The following DOK6 variants were observed in gnomAD, a reference collection of about 807,000 sequenced individuals.
The protein encoded by DOK6 is docking protein 6.
DOK6 carries 22 observed loss-of-function variants against 44.0 expected under a neutral mutation model. That is an observed-to-expected ratio of 0.50 (90% CI 0.36 to 0.71). The LOEUF (loss-of-function observed/expected upper bound fraction) is 0.71, where lower values mean the gene tolerates loss of function less well. Ranked by LOEUF, DOK6 falls within the 30% of genes least tolerant of loss-of-function variation. The pLI is 0.00. For synonymous variants in DOK6, 166 were observed against 145.5 expected, an observed-to-expected ratio of 1.14 and a Z score of -1.01; for missense variants, 340 against 416.4, an observed-to-expected ratio of 0.82 and a Z score of 1.60.
At chr18:69,579,901 G>C (rs192592712) in intron 2 of DOK6, among the ~76,000 whole-genome samples, 1 of 152,250 alleles carries the variant, frequency 6.6e-6, no homozygotes, top group African/African-American at 2.4e-5. Flanking sequence ...GGGATTACAG[G>C]CGTGAACCAC....
chr18:69,427,014 GGTGCTA>G (rs77651250), intron 1 of DOK6, among the ~76,000 whole-genome samples: 93,746 of 151,480 alleles, frequency 0.62, 29,204 homozygotes, highest in South Asian at 0.74. Context: ...CCCTCCAAAA[GGTGCTA>G]GTGTGTGTTG....
chr18:69,648,403 G>A (rs1568321664), intron 3 of DOK6, among the ~76,000 whole-genome samples: 1 of 151,982 alleles, frequency 6.6e-6, no homozygotes, highest in Non-Finnish European at 1.5e-5. Context: ...TATAACAAAT[G>A]TGCACATTGT....
chr18:69,756,442 TA>T (rs1451753933), intron 6 of DOK6, among the ~76,000 whole-genome samples: 1 of 152,168 alleles, frequency 6.6e-6, no homozygotes, highest in Admixed American at 6.5e-5. Flanking sequence ...AAAAGAAAGA[TA>T]CCTCAACAGT....
At chr18:69,625,713 T>A (rs933278798) in intron 3 of DOK6, among the ~76,000 whole-genome samples, 1 of 152,242 alleles carries the variant, frequency 6.6e-6, no homozygotes, top group Non-Finnish European at 1.5e-5. Context: ...TTACTATTTA[T>A]TGTATGAACT....
chr18:69,763,166 C>G (rs1339044679), intron 7 of DOK6, among the ~76,000 whole-genome samples: 1 of 152,162 alleles, frequency 6.6e-6, no homozygotes, highest in Non-Finnish European at 1.5e-5. Flanking sequence ...TAGCTTCTAA[C>G]AAGCACATGT....
chr18:69,436,320 C>T (rs1417292429), intron 1 of DOK6, among the ~76,000 whole-genome samples: 1 of 152,008 alleles, frequency 6.6e-6, no homozygotes. Flanking sequence ...TCTCCCCTTG[C>T]CCCCTACCCG....
At chr18:69,706,824 G>T (rs2144711346) in intron 5 of DOK6, among the ~76,000 whole-genome samples, 1 of 151,452 alleles carries the variant, frequency 6.6e-6, no homozygotes. Flanking sequence ...TGAGAATGAT[G>T]ATTTCCAATT....
intron 5 of DOK6, among the ~76,000 whole-genome samples, chr18:69,733,762 T>C (rs1479245543): frequency 6.6e-6 from 1 of 152,176 alleles, no homozygotes; most frequent in Non-Finnish European, 1.5e-5. Flanking sequence ...AAAAAATTAA[T>C]GTGTGTAAAC....
chr18:69,589,293 A>C (rs1983573318), intron 2 of DOK6, among the ~76,000 whole-genome samples: 1 of 152,050 alleles, frequency 6.6e-6, no homozygotes, highest in Admixed American at 6.6e-5. Context: ...TTCCATCCTA[A>C]TAAAGTTGTA....
chr18:69,402,105 T>C (rs573614955), intron 1 of DOK6, among the ~76,000 whole-genome samples: 197 of 152,128 alleles, frequency 1.3e-3, no homozygotes, highest in African/African-American at 4.4e-3. Flanking sequence ...GGGAGCAGCC[T>C]AGACTTGGGA....
intron 3 of DOK6, among the ~76,000 whole-genome samples, chr18:69,628,592 A>G (rs935245303): frequency 1.3e-5 from 2 of 152,156 alleles, no homozygotes; most frequent in African/African-American, 4.8e-5. Context: ...TTGATAAGCT[A>G]TGTTCCTCCA....
At chr18:69,412,464 C>T (rs1978310420) in intron 1 of DOK6, among the ~76,000 whole-genome samples, 1 of 152,042 alleles carries the variant, frequency 6.6e-6, no homozygotes, top group Admixed American at 6.6e-5. Flanking sequence ...GACCGACTCC[C>T]AGAGATTCTA....
chr18:69,470,011 C>G (rs949473041), intron 1 of DOK6: 1 of 163,610 alleles, frequency 6.1e-6, no homozygotes, highest in African/African-American at 2.4e-5. Flanking sequence ...TAGCGCGCAC[C>G]GACTACAACT....
At chr18:69,768,362 G>A (rs1051171096) in intron 7 of DOK6, among the ~76,000 whole-genome samples, 2 of 151,706 alleles carry the variant, frequency 1.3e-5, no homozygotes, top group Non-Finnish European at 2.9e-5. Context: ...AGGAGCATCT[G>A]GTTCACCATA....
At chr18:69,586,714 A>G (rs962182041) in intron 2 of DOK6, among the ~76,000 whole-genome samples, 2 of 152,096 alleles carry the variant, frequency 1.3e-5, no homozygotes, top group Non-Finnish European at 2.9e-5. Context: ...ATAGCAGTAA[A>G]TTATTTTTCC....
chr18:69,659,214 A>G (rs4513198), intron 3 of DOK6, among the ~76,000 whole-genome samples: 139,671 of 152,258 alleles, frequency 0.92, 65,267 homozygotes, highest in East Asian at 1. Flanking sequence ...ATGCTGTCCT[A>G]GCTCTCTGGC....
chr18:69,714,335 C>A (rs964035387), intron 5 of DOK6, among the ~76,000 whole-genome samples: 2 of 152,152 alleles, frequency 1.3e-5, no homozygotes, highest in Admixed American at 6.5e-5. Flanking sequence ...ACAATGCACA[C>A]CCGAAGGCAG....
At position 69,545,615 on chromosome 18, in the gene DOK6, C is replaced by T. The variant is rs1982384882; in HGVS notation, c.67-18872C>T. On this transcript the variant is annotated intron_variant, in intron 1 of 7. Coordinates refer to ENST00000382713, the MANE Select transcript of DOK6 (RefSeq NM_152721.6). ...CATCATTTGCCCATTATGAATTTTA[C>T]AGTTGTTTTCCTGGATTATTAATAT... 1.3e-5 allele frequency among the ~76,000 whole-genome samples: 2 copies of T among 150,188 alleles called. 1 individual carries two copies. Among genetic ancestry groups the T allele is most frequent in the Admixed American group, 1.3e-4 (2 of 15,058 alleles).
chr18:69,648,962 T>C (rs1985152036), intron 3 of DOK6, among the ~76,000 whole-genome samples: 2 of 152,224 alleles, frequency 1.3e-5, no homozygotes, highest in Non-Finnish European at 2.9e-5. Flanking sequence ...TGTTTTCTAC[T>C]ACAAAGCACT....
Sources: gnomAD v4.1 joint callset for allele counts (sites outside exome capture counted in the v4.1 genomes callset) on GRCh38, gnomAD v4.1.1 for gene constraint, MANE v1.5 for transcripts, NCBI Gene and HGNC (gene_info 2026-07-23, HGNC 2026-07-21) for gene names.